Variants in CDK14 observed in about 807,000 individuals in gnomAD.
CDK14 encodes cyclin dependent kinase 14.
In CDK14, 34 loss-of-function variants were observed where a neutral mutation model predicts 60.7. The observed-to-expected ratio is 0.56, with a 90% CI of 0.43 to 0.75. The LOEUF is 0.75. CDK14 is among the 30% of genes least tolerant of loss of function. The pLI is 0.00. For missense variants in CDK14, 482 were observed against 564.1 expected (o/e 0.85, Z 1.47); for synonymous variants, 197 against 203.7 (o/e 0.97, Z 0.28).
chr7:91,190,582 C>T (rs1474290513), intron 14 of CDK14, among the ~76,000 whole-genome samples: 1 of 152,190 alleles, frequency 6.6e-6, no homozygotes, highest in Non-Finnish European at 1.5e-5. Context: ...CTCTGTGTCT[C>T]AGGTTCAAGC....
Position 91,058,697 on chromosome 7 carries a change from G to T in CDK14, c.1105+12737G>T, listed in dbSNP as rs890695581. ...TTGTCATTGGTTCTGTTTATATGCT[G>T]GATTACATTTATTGATTTGCATATG... On this transcript the variant is annotated intron_variant, in intron 11 of 14. Coordinates refer to ENST00000380050, the MANE Select transcript of CDK14 (RefSeq NM_001287135.2). 7.0e-4 allele frequency among the ~76,000 whole-genome samples: 107 copies of T among 152,294 alleles called. 2 individuals carry two copies. The highest frequency in any genetic ancestry group is 7.8e-4 in the Non-Finnish European group (53 of 68,032).
At chr7:91,097,771 A>G (rs1799038330) in intron 12 of CDK14, among the ~76,000 whole-genome samples, 1 of 152,150 alleles carries the variant, frequency 6.6e-6, no homozygotes, top group Admixed American at 6.5e-5. Context: ...TGATCACCTC[A>G]CAGGCTGGGT....
At chr7:91,034,731 T>A (rs1796864136) in intron 10 of CDK14, among the ~76,000 whole-genome samples, 2 of 152,106 alleles carry the variant, frequency 1.3e-5, no homozygotes, top group African/African-American at 4.8e-5. Context: ...ATTCTGCTGC[T>A]CCGCAAAACA....
chr7:90,981,491 CAT>C lies in CDK14; in HGVS notation c.948-2656_948-2655del, dbSNP rs538183161. Reference sequence around the variant, plus strand: ...ATTGGTGTTTACTTTGAATAAGAATCATGTGGTACAATAGGGAAGCAATTTCT... The same window carrying C: ...ATTGGTGTTTACTTTGAATAAGAATCGTGGTACAATAGGGAAGCAATTTCT... On this transcript the variant is annotated intron_variant, in intron 9 of 14. Transcript: ENST00000380050. Among the ~76,000 whole-genome samples, 5 of 152,292 alleles carry C rather than the reference CAT, an allele frequency of 3.3e-5. No homozygotes were observed. In the East Asian group the frequency reaches 5.8e-4, roughly 18 times the overall value.
intron 2 of CDK14, among the ~76,000 whole-genome samples, chr7:90,653,248 T>G (rs1800682957): frequency 6.6e-6 from 1 of 152,138 alleles, no homozygotes; most frequent in African/African-American, 2.4e-5. Context: ...ACCCAGATTC[T>G]GGTAACTCCA....
intron 14 of CDK14, among the ~76,000 whole-genome samples, chr7:91,129,844 G>A (rs1363938425): frequency 2.0e-5 from 3 of 152,070 alleles, no homozygotes; most frequent in East Asian, 3.9e-4. Flanking sequence ...ATAGTGAAAC[G>A]TGTCAACCTT....
intron 9 of CDK14, among the ~76,000 whole-genome samples, chr7:90,982,821 A>C (rs1031570495): frequency 6.6e-6 from 1 of 152,106 alleles, no homozygotes; most frequent in Non-Finnish European, 1.5e-5. Context: ...GGTGTACGTC[A>C]CCTAGATAGC....
intron 12 of CDK14, among the ~76,000 whole-genome samples, chr7:91,103,561 A>C (rs1017951325): frequency 2.6e-5 from 4 of 152,214 alleles, no homozygotes; most frequent in Admixed American, 2.0e-4. Context: ...CTGGTAGGTC[A>C]GCCCTGGCAG....
chr7:90,611,384 G>A (rs1182493379), intron 2 of CDK14, among the ~76,000 whole-genome samples: 1 of 152,186 alleles, frequency 6.6e-6, no homozygotes, highest in Non-Finnish European at 1.5e-5. Flanking sequence ...ATGTCTCACA[G>A]TCACCTTGAT....
At chr7:91,204,459 T>C (rs901009134) in intron 14 of CDK14, among the ~76,000 whole-genome samples, 1 of 151,932 alleles carries the variant, frequency 6.6e-6, no homozygotes, top group African/African-American at 2.4e-5. Context: ...CTTTTGTACA[T>C]CAAAGGACAC....
chr7:91,060,367 G>A (rs1450773655), intron 11 of CDK14, among the ~76,000 whole-genome samples: 1 of 151,968 alleles, frequency 6.6e-6, no homozygotes, highest in Non-Finnish European at 1.5e-5. Flanking sequence ...TTGGCAGTCT[G>A]TGTCTTTTAA....
intron 5 of CDK14, among the ~76,000 whole-genome samples, chr7:90,792,201 T>TTA (rs1805862240): frequency 6.6e-6 from 1 of 151,366 alleles, no homozygotes; most frequent in Non-Finnish European, 1.5e-5. Flanking sequence ...TGCCTGCCTT[T>TTA]TTTTTTTTTT....
chr7:90,915,090 G>A (rs1196304075), intron 7 of CDK14, among the ~76,000 whole-genome samples: 1 of 152,128 alleles, frequency 6.6e-6, no homozygotes, highest in Non-Finnish European at 1.5e-5. Flanking sequence ...AGTTCCTGAG[G>A]AGAGACCTAG....
At chr7:90,810,818 A>C (rs1318736584) in intron 5 of CDK14, among the ~76,000 whole-genome samples, 3 of 151,998 alleles carry the variant, frequency 2.0e-5, no homozygotes, top group African/African-American at 7.3e-5. Context: ...CTTATACATC[A>C]GTAACAGACA....
intron 2 of CDK14, among the ~76,000 whole-genome samples, chr7:90,625,471 C>A (rs905200933): frequency 1.2e-4 from 18 of 152,214 alleles, no homozygotes; most frequent in African/African-American, 4.1e-4. Context: ...AATTCAAAAA[C>A]CACTAAAATA....
chr7:90,613,117 T>C (rs1246244202), intron 2 of CDK14, among the ~76,000 whole-genome samples: 3 of 152,168 alleles, frequency 2.0e-5, no homozygotes, highest in Non-Finnish European at 2.9e-5. Context: ...CATAATTAGG[T>C]CTAGTCCCAG....
At chr7:90,960,261 G>A (rs1028995354) in intron 9 of CDK14, among the ~76,000 whole-genome samples, 2 of 152,024 alleles carry the variant, frequency 1.3e-5, no homozygotes, top group African/African-American at 4.8e-5. Context: ...TTGGGGGTGG[G>A]TAAAATATAT....
intron 2 of CDK14, among the ~76,000 whole-genome samples, chr7:90,712,859 A>G (rs1802115072): frequency 6.6e-6 from 1 of 152,084 alleles, no homozygotes; most frequent in Admixed American, 6.6e-5. Flanking sequence ...GCAAAGACTG[A>G]TCATGTTGAG....
At chr7:91,105,833 G>C (rs1417434617) in intron 12 of CDK14, among the ~76,000 whole-genome samples, 1 of 152,038 alleles carries the variant, frequency 6.6e-6, no homozygotes, top group Non-Finnish European at 1.5e-5. Flanking sequence ...AAACTTAAGA[G>C]ACTATCAAAA....
Sources: gnomAD v4.1 joint callset for allele counts (sites outside exome capture counted in the v4.1 genomes callset) on GRCh38, gnomAD v4.1.1 for gene constraint, MANE v1.5 for transcripts, NCBI Gene and HGNC (gene_info 2026-07-23, HGNC 2026-07-21) for gene names.